The following TBC1D25 variants were observed in gnomAD, a reference collection of about 807,000 sequenced individuals.
TBC1D25 encodes the protein TBC1 domain family member 25, also known as 5SN3 snoRNA.
In TBC1D25, 13 loss-of-function variants were observed where a neutral mutation model predicts 38.8. The observed-to-expected ratio is 0.34, with a 90% confidence interval of 0.22 to 0.53. TBC1D25 has a LOEUF of 0.53. TBC1D25 is among the 20% of genes least tolerant of loss of function. The pLI is 0.94. For missense variants in TBC1D25, 372 were observed against 600.0 expected, an observed-to-expected ratio of 0.62 and a Z score of 3.97; for synonymous variants, 225 against 255.6, an observed-to-expected ratio of 0.88 and a Z score of 1.14.
At chrX:48,552,679 T>C (rs1476644094) in intron 3 of TBC1D25, among the ~76,000 whole-genome samples, 6 of 110,753 alleles carry the variant, frequency 5.4e-5, no homozygotes, top group African/African-American at 2.0e-4. Flanking sequence ...GGCCACTTTT[T>C]CTCCTTTAAT....
intron 3 of TBC1D25, 63 bp from the exon 4 acceptor site, chrX:48,558,830 GAGGA>G (rs2061996969): frequency 6.9e-5 from 82 of 1,183,877 alleles, no homozygotes; most frequent in Non-Finnish European, 9.3e-5. Flanking sequence ...AGTAGAAGGA[GAGGA>G]AGCCGGCCCT....
Position 48,543,744 on chromosome X carries a change from C to A in TBC1D25, c.234-1125C>A, listed in dbSNP as rs1291156264. 1.9e-5 allele frequency among the ~76,000 whole-genome samples: 2 copies of A among 107,819 alleles called. 1 individual carries two copies. The highest frequency in any genetic ancestry group is 8.3e-4 in the South Asian group (2 of 2,408). 93.6% of individuals were successfully genotyped at this position (107,819 alleles called of 115,157 possible). The stretch of plus-strand genomic sequence containing the variant: ...CTAAAAATACAAAAAATTCTCCAGG[C>A]GTGGTGGTGGGCGCCTGTAGTCCCA... On this transcript the variant is annotated intron_variant, in intron 2 of 5. Transcript: ENST00000376771.
At chrX:48,558,715 A>G (rs1556985028) in intron 3 of TBC1D25, among the ~76,000 whole-genome samples, 182 bp from the exon 4 acceptor site, 2 of 112,106 alleles carry the variant, frequency 1.8e-5, no homozygotes. Flanking sequence ...TGAGACATCT[A>G]CTACAAAAGA....
intron 2 of TBC1D25, among the ~76,000 whole-genome samples, chrX:48,543,368 C>T (rs1480951670): frequency 3.7e-5 from 4 of 108,577 alleles, no homozygotes; most frequent in African/African-American, 1.3e-4. Context: ...TCCTGAGTAG[C>T]TGGTACTACA....
chrX:48,548,765 C>A (rs907061745), intron 3 of TBC1D25, among the ~76,000 whole-genome samples: 6 of 112,228 alleles, frequency 5.3e-5, no homozygotes, highest in Non-Finnish European at 1.1e-4. Context: ...ACACATTTAT[C>A]CACATATGTG....
intron 3 of TBC1D25, among the ~76,000 whole-genome samples, chrX:48,548,943 G>A (rs1259267136): frequency 8.9e-6 from 1 of 112,593 alleles, no homozygotes; most frequent in Non-Finnish European, 1.9e-5. Context: ...TGTTGGGACT[G>A]TTTGGATGGC....
At chrX:48,548,670 A>G (rs1351460201) in intron 3 of TBC1D25, among the ~76,000 whole-genome samples, 1 of 111,516 alleles carries the variant, frequency 9.0e-6, no homozygotes, top group Admixed American at 9.6e-5. Flanking sequence ...CCTAATCTCA[A>G]TCCCCTACCC....
At chrX:48,554,276 G>A (rs2061959113) in intron 3 of TBC1D25, among the ~76,000 whole-genome samples, 1 of 106,592 alleles carries the variant, frequency 9.4e-6, no homozygotes, top group Non-Finnish European at 1.9e-5. Flanking sequence ...CGGGCTGGGC[G>A]CAGTGGCTCA....
Position 48,560,304 on chromosome X carries a change from C to T in TBC1D25, c.1396C>T (p.Arg466Ter), listed in dbSNP as rs140812102. The change falls in exon 6 of 6, where the codon CGA becomes TGA. Residue 466 changes from arginine to a stop codon, truncating the protein, a stop_gained. Coordinates refer to ENST00000376771, the MANE Select transcript of TBC1D25 (RefSeq NM_002536.4). LOFTEE classifies it high-confidence loss of function. ...GFGGHRGWPV[R>*]QRHMLRPAGG... Reference sequence around the variant, plus strand: ...TGGTGGCCACAGGGGGTGGCCCGTGCGACAGAGGCACATGCTGAGGCCTGC... The same window carrying T: ...TGGTGGCCACAGGGGGTGGCCCGTGTGACAGAGGCACATGCTGAGGCCTGC... 4 of 1,209,688 alleles carry T rather than the reference C, an allele frequency of 3.3e-6. No individual in the cohort carries two copies. Among genetic ancestry groups the T allele is most frequent in the African/African-American group, 1.8e-5 (1 of 57,088 alleles).
chrX:48,544,719 C>T, intron 2 of TBC1D25, 150 bp from the exon 3 acceptor site: 3 of 673,106 alleles, frequency 4.5e-6, no homozygotes, highest in Non-Finnish European at 6.4e-6. Flanking sequence ...GACCTGATCT[C>T]AGGCTGCCCA....
At chrX:48,555,230 T>TAGAGTGGATCTTGGGA (rs2061965807) in intron 3 of TBC1D25, among the ~76,000 whole-genome samples, 1 of 111,322 alleles carries the variant, frequency 9.0e-6, no homozygotes, top group Admixed American at 9.6e-5. Flanking sequence ...AGGCCATGTC[T>TAGAGTGGATCTTGGGA]AGAGTGGATC....
chrX:48,545,618 C>T (rs868914115), intron 3 of TBC1D25, among the ~76,000 whole-genome samples: 2 of 111,622 alleles, frequency 1.8e-5, no homozygotes, highest in Non-Finnish European at 3.8e-5. Flanking sequence ...CTGGTCCCTG[C>T]GAGCACACAG....
intron 2 of TBC1D25, among the ~76,000 whole-genome samples, chrX:48,543,361 T>G (rs1265006414): frequency 9.2e-6 from 1 of 108,719 alleles, no homozygotes; most frequent in Non-Finnish European, 1.9e-5. Context: ...CTCGGCCTCC[T>G]GAGTAGCTGG....
intron 2 of TBC1D25, among the ~76,000 whole-genome samples, chrX:48,543,776 T>G (rs1434030662): frequency 3.8e-5 from 4 of 104,233 alleles, no homozygotes; most frequent in Non-Finnish European, 5.8e-5. Context: ...CCCAGCTACT[T>G]GGGAGGCTGA....
chrX:48,544,730 T>C (rs1556981162), intron 2 of TBC1D25, 139 bp from the exon 3 acceptor site: 1 of 779,302 alleles, frequency 1.3e-6, no homozygotes, highest in African/African-American at 2.1e-5. Context: ...AGGCTGCCCA[T>C]AATCCTTGGC....
Position 48,560,840 on chromosome X carries a change from C to T in TBC1D25, c.1932C>T (p.Ala644=). 1.6e-6 allele frequency: 2 copies of T among 1,212,543 alleles called. No homozygotes were observed. The highest frequency in any genetic ancestry group is 2.2e-6 in the Non-Finnish European group (2 of 895,695). The part of the protein sequence containing the change: ...MRNGLDYNEL[A]MHFDRLVRKH... ...ATGGGCTGGATTATAATGAGCTGGC[C>T]ATGCACTTTGACCGCCTTGTGCGAA... The change falls in exon 6 of 6, where the codon GCC becomes GCT. Residue 644 remains alanine, a synonymous_variant. Transcript: ENST00000376771.
chrX:48,546,405 C>T (rs966592798), intron 3 of TBC1D25, among the ~76,000 whole-genome samples: 9 of 106,430 alleles, frequency 8.5e-5, no homozygotes, highest in African/African-American at 2.8e-4. Flanking sequence ...CCCAGCTACT[C>T]GGGAGGCTGA....
At chrX:48,540,975 C>T (rs886133343) in intron 1 of TBC1D25, among the ~76,000 whole-genome samples, 1 of 112,009 alleles carries the variant, frequency 8.9e-6, no homozygotes. Context: ...TGGTGAGAGG[C>T]TGGCTGGGGC....
At chrX:48,545,169 TTTC>T (rs2061873210) in intron 3 of TBC1D25, 146 bp downstream of exon 3, 2 of 706,718 alleles carry the variant, frequency 2.8e-6, no homozygotes, top group African/African-American at 4.3e-5. Flanking sequence ...TAGGCCACAA[TTTC>T]TTCACTTGTA....
Sources: allele counts gnomAD v4.1 joint callset (sites outside exome capture counted in the v4.1 genomes callset), GRCh38; gene constraint gnomAD v4.1.1; transcripts MANE v1.5; gene names NCBI Gene and HGNC (gene_info 2026-07-23, HGNC 2026-07-21).